GCNT2: variants seen among roughly 807,000 people sequenced by gnomAD.
GCNT2 encodes N-acetyllactosaminide beta-1,6-N-acetylglucosaminyl-transferase.
A neutral mutation model predicts 34.2 loss-of-function variants in GCNT2; 34 were observed. The observed-to-expected ratio is 1.00, with a 90% CI of 0.76 to 1.32. The LOEUF is 1.32. Ranked by LOEUF, GCNT2 falls within the 40% of genes most tolerant of loss-of-function variation. GCNT2 has a pLI of 0.00. For missense variants in GCNT2, 584 were observed against 489.4 expected (o/e 1.19, Z -1.82); for synonymous variants, 212 against 188.0 (o/e 1.13, Z -1.04).
At chr6:10,548,473 G>C (rs1762355475) in intron 3 of GCNT2, among the ~76,000 whole-genome samples, 1 of 152,198 alleles carries the variant, frequency 6.6e-6, no homozygotes, top group South Asian at 2.1e-4. Context: ...GACCTTCTGA[G>C]TGTAGCACCT....
At position 10,587,052 on chromosome 6, in the gene GCNT2, A is replaced by G. The variant is rs1346799252; in HGVS notation, c.926-34299A>G. 2.2e-5 allele frequency: 15 copies of G among 695,044 alleles called. No homozygotes were observed. The East Asian group carries it at 3.5e-4, about 16-fold the overall frequency. The allele number at this position is 695,044 out of a possible 1,614,324, so 43.1% of individuals were successfully genotyped here. ...TATTAGTTTGGTTGCTTGTAGCAAC[A>G]GTGTATTGCTGACTGTTGTCTTATC... On this transcript the variant is annotated intron_variant, in intron 3 of 4. Coordinates refer to ENST00000495262, the MANE Select transcript of GCNT2 (RefSeq NM_145649.5).
intron 3 of GCNT2, among the ~76,000 whole-genome samples, chr6:10,539,808 G>A (rs1020755473): frequency 1.3e-5 from 2 of 152,210 alleles, no homozygotes; most frequent in South Asian, 2.1e-4. Flanking sequence ...ATGTGAGGCC[G>A]GGCATGATGG....
rs1309262221 is a variant in GCNT2 at position 10,629,095 on chromosome 6, C to T, written c.*2488C>T. The T allele has an allele frequency of 2.6e-5, 4 of 152,690 alleles. No individual in the cohort carries two copies. The highest frequency in any genetic ancestry group is 4.8e-5 in the African/African-American group (2 of 41,470). The allele number at this position is 152,690 out of a possible 1,614,324, so 9.5% of individuals were successfully genotyped here. A position where few individuals can be genotyped will look rare whatever the true frequency, so the allele number is the denominator to read the frequency against. On this transcript the variant is annotated 3_prime_UTR_variant, in exon 5 of 5. Transcript: ENST00000495262. The stretch of plus-strand genomic sequence containing the variant: ...GAGTTTAAAAATTGTCTCTTTTCAA[C>T]TTATTTAAATGACAGCACCTGAGAA...
chr6:10,582,743 ACAG>A (rs1764179821), intron 3 of GCNT2, among the ~76,000 whole-genome samples: 1 of 151,182 alleles, frequency 6.6e-6, no homozygotes, highest in Non-Finnish European at 1.5e-5. Context: ...ATTACTAAGA[ACAG>A]AAATCAAAAT....
chr6:10,578,628 A>C (rs1306899546), intron 3 of GCNT2, among the ~76,000 whole-genome samples: 1 of 151,616 alleles, frequency 6.6e-6, no homozygotes, highest in African/African-American at 2.4e-5. Context: ...TTGTATTTTT[A>C]GTAGAGACGG....
intron 3 of GCNT2, among the ~76,000 whole-genome samples, chr6:10,611,355 G>A (rs1348795033): frequency 1.6e-4 from 23 of 140,638 alleles, no homozygotes; most frequent in Non-Finnish European, 2.6e-4. Context: ...TTTTTGAGAC[G>A]GAGTCTCGCT....
intron 3 of GCNT2, among the ~76,000 whole-genome samples, chr6:10,617,285 C>G (rs9466971): frequency 6.6e-6 from 1 of 152,214 alleles, no homozygotes; most frequent in Non-Finnish European, 1.5e-5. Context: ...CTGCCCCGGG[C>G]GGCGGGGCCG....
At chr6:10,556,111 C>A in intron 3 of GCNT2, 1 of 1,253,062 alleles carries the variant, frequency 8.0e-7, no homozygotes, top group Non-Finnish European at 1.0e-6. Flanking sequence ...AGAGAGTTAC[C>A]GGAGTTTTAG....
At chr6:10,571,340 A>G (rs1763545099) in intron 3 of GCNT2, among the ~76,000 whole-genome samples, 1 of 147,774 alleles carries the variant, frequency 6.8e-6, no homozygotes, top group African/African-American at 2.4e-5. Flanking sequence ...GATGATCATG[A>G]TAATTATTAT....
chr6:10,574,886 TC>T, intron 3 of GCNT2: 1 of 703,764 alleles, frequency 1.4e-6, no homozygotes, highest in Non-Finnish European at 2.7e-6. Flanking sequence ...TCTTTCTTTT[TC>T]TGATCGTTTT....
intron 3 of GCNT2, among the ~76,000 whole-genome samples, chr6:10,555,450 G>A (rs891012369): frequency 2.6e-5 from 4 of 152,126 alleles, no homozygotes; most frequent in East Asian, 3.8e-4. Flanking sequence ...ATTTGATGCC[G>A]TTCTCTGGGG....
intron 3 of GCNT2, among the ~76,000 whole-genome samples, chr6:10,572,452 T>G (rs2045684): frequency 0.61 from 92,245 of 152,084 alleles, 28,700 homozygotes; most frequent in Middle Eastern, 0.7. Flanking sequence ...GGCCGGGCGC[T>G]GTGGCTCACG....
At chr6:10,604,678 T>C (rs1384881643) in intron 3 of GCNT2, among the ~76,000 whole-genome samples, 5 of 151,926 alleles carry the variant, frequency 3.3e-5, no homozygotes, top group Admixed American at 3.3e-4. Flanking sequence ...CTGGGCAACA[T>C]GGTGAAACCC....
rs1432788341 is a variant in GCNT2, at chr6:10,621,354, T to G, written c.929T>G (p.Val310Gly). 6.2e-7 allele frequency: 1 copy of G among 1,604,862 alleles called. No individual in the cohort carries two copies. Among genetic ancestry groups the G allele is most frequent in the South Asian group, 1.1e-5 (1 of 90,728 alleles). The change falls in exon 4 of 5, where the codon GTT becomes GGT. Residue 310 changes from valine to glycine, a missense_variant. Coordinates refer to ENST00000495262, the MANE Select transcript of GCNT2 (RefSeq NM_145649.5). Reference sequence around the variant, plus strand: ...TTCTTCTTTATCAACATTGCAGGTGTTCCTGGCTCTATGCCAAATGCATCC... The same window carrying G: ...TTCTTCTTTATCAACATTGCAGGTGGTCCTGGCTCTATGCCAAATGCATCC... ...FWVTLNRIPG[V>G]PGSMPNASWT...
rs1766357330 is a variant in GCNT2 at position 10,628,463 on chromosome 6, G to C, written c.*1856G>C. On this transcript the variant is annotated 3_prime_UTR_variant, in exon 5 of 5. Transcript: ENST00000495262. ...TTGGGTGGTAAAGTGTTAAGGAATAGGGACAGCTGGTCACACAAGGAACTC... is the reference window on the plus strand; with the variant it reads ...TTGGGTGGTAAAGTGTTAAGGAATACGGACAGCTGGTCACACAAGGAACTC... The C allele has an allele frequency of 6.6e-6, 1 of 152,144 alleles. No homozygotes were observed. Among genetic ancestry groups the C allele is most frequent in the African/African-American group, 2.4e-5 (1 of 41,426 alleles). The allele number at this position is 152,144 out of a possible 1,614,324, so 9.4% of individuals were successfully genotyped here. A position where few individuals can be genotyped will look rare whatever the true frequency, so the allele number is the denominator to read the frequency against.
At position 10,529,847 on chromosome 6, in the gene GCNT2, C is replaced by T; in HGVS notation, c.925+11C>T. ...TCAACAGGATTCCCGGTATGTACGT[C>T]TCTTAACTTTTATTTTTACGAATAA... On this transcript the variant is annotated intron_variant, in intron 3 of 4. Coordinates refer to ENST00000495262, the MANE Select transcript of GCNT2 (RefSeq NM_145649.5). 1 of 1,601,322 alleles carries T rather than the reference C, an allele frequency of 6.2e-7. No homozygotes were observed. Among genetic ancestry groups the T allele is most frequent in the South Asian group, 1.1e-5 (1 of 90,832 alleles).
intron 3 of GCNT2, among the ~76,000 whole-genome samples, chr6:10,614,948 A>G (rs978424269): frequency 2.0e-5 from 3 of 152,178 alleles, no homozygotes; most frequent in Non-Finnish European, 4.4e-5. Context: ...GCTTTTTCCT[A>G]TAACAGGTGG....
intron 4 of GCNT2, among the ~76,000 whole-genome samples, chr6:10,624,389 G>C (rs1766173582): frequency 6.6e-6 from 1 of 152,136 alleles, no homozygotes; most frequent in Admixed American, 6.5e-5. Context: ...CCAAGAATGA[G>C]AGCCAAGCAA....
chr6:10,557,183 C>T (rs752982694), intron 3 of GCNT2: 8 of 1,553,674 alleles, frequency 5.1e-6, no homozygotes, highest in South Asian at 1.3e-5. Context: ...GCCTCCCCCC[C>T]ATAATCTCAC....
Sources: gnomAD v4.1 joint callset for allele counts (sites outside exome capture counted in the v4.1 genomes callset) on GRCh38, gnomAD v4.1.1 for gene constraint, MANE v1.5 for transcripts, NCBI Gene and HGNC (gene_info 2026-07-23, HGNC 2026-07-21) for gene names.